The following KAT6A variants were observed in gnomAD, a reference collection of about 807,000 sequenced individuals.
KAT6A encodes the protein histone acetyltransferase KAT6A.
In KAT6A, 9 loss-of-function variants were observed where a neutral mutation model predicts 198.4. The observed-to-expected ratio is 0.05, with a 90% CI of 0.03 to 0.08. The LOEUF (loss-of-function observed/expected upper bound fraction) is 0.08, where lower values mean the gene tolerates loss of function less well. Ranked by LOEUF, KAT6A falls within the 10% of genes least tolerant of loss-of-function variation. The probability of loss-of-function intolerance (pLI) is 1.00; values close to 1 mark genes in which losing one functional copy is unlikely to be tolerated. For missense variants in KAT6A, 2,077 were observed against 2,509.9 expected (o/e 0.83, Z 3.69); for synonymous variants, 890 against 883.0 (o/e 1.01, Z -0.14).
In KAT6A at chr8:41,932,847, C is replaced by T. The variant is rs1271338703; in HGVS notation, c.5373G>A (p.Leu1791=). The change falls in exon 17 of 17, where the codon CTG becomes CTA. Residue 1791 remains leucine, a synonymous_variant. Transcript: ENST00000265713. Reference sequence around the variant, plus strand: ...AGGGATGAGATGGAGCCAGCTGAGCCAGTCCTGTATTGGACAGAGAAACAC... The same window carrying T: ...AGGGATGAGATGGAGCCAGCTGAGCTAGTCCTGTATTGGACAGAGAAACAC... ...ATSVSLSNTG[L]AQLAPSHPLA... The T allele has an allele frequency of 1.2e-6, 2 of 1,614,160 alleles. No individual in the cohort carries two copies. Among genetic ancestry groups the T allele is most frequent in the South Asian group, 1.1e-5 (1 of 91,084 alleles).
chr8:42,038,196 A>C (rs1827471019), intron 2 of KAT6A, among the ~76,000 whole-genome samples: 1 of 152,196 alleles, frequency 6.6e-6, no homozygotes, highest in African/African-American at 2.4e-5. Flanking sequence ...TTACCTTTAA[A>C]TGGACTTTTT....
chr8:41,961,414 T>C (rs1350787801), intron 8 of KAT6A, among the ~76,000 whole-genome samples: 2 of 152,232 alleles, frequency 1.3e-5, no homozygotes, highest in Non-Finnish European at 2.9e-5. Context: ...TACCAGAGCA[T>C]TCCATCAGCA....
At chr8:42,007,370 C>T (rs956871297) in intron 2 of KAT6A, among the ~76,000 whole-genome samples, 5 of 152,178 alleles carry the variant, frequency 3.3e-5, no homozygotes, top group African/African-American at 9.7e-5. Context: ...AAATATTTGA[C>T]ATGACTAGCT....
intron 2 of KAT6A, among the ~76,000 whole-genome samples, chr8:41,990,007 G>C (rs913542502): frequency 6.6e-6 from 1 of 152,020 alleles, no homozygotes; most frequent in African/African-American, 2.4e-5. Flanking sequence ...AAAGAACTGG[G>C]GAAGTAAGTC....
chr8:41,999,769 T>G (rs924639979), intron 2 of KAT6A, among the ~76,000 whole-genome samples: 1 of 152,330 alleles, frequency 6.6e-6, no homozygotes, highest in East Asian at 1.9e-4. Flanking sequence ...CCTACAAGAA[T>G]CACCTCAGCA....
At chr8:41,959,322 T>C (rs1371933857) in intron 8 of KAT6A, among the ~76,000 whole-genome samples, 2 of 152,180 alleles carry the variant, frequency 1.3e-5, no homozygotes, top group Non-Finnish European at 2.9e-5. Flanking sequence ...TTAGGATGGT[T>C]ATTATTTTTA....
intron 3 of KAT6A, among the ~76,000 whole-genome samples, chr8:41,983,850 G>A (rs965824895): frequency 1.3e-5 from 2 of 152,218 alleles, no homozygotes; most frequent in African/African-American, 4.8e-5. Flanking sequence ...CACTGCTACT[G>A]TGGTATGTGT....
At position 41,941,417 on chromosome 8, in the gene KAT6A, T is replaced by C. The variant is rs746456362; in HGVS notation, c.2464A>G (p.Lys822Glu). 1.9e-6 allele frequency: 3 copies of C among 1,602,990 alleles called. No homozygotes were observed. The highest frequency in any genetic ancestry group is 2.5e-6 in the Non-Finnish European group (3 of 1,177,870). The change falls in exon 15 of 17, where the codon AAA becomes GAA. Residue 822 changes from lysine (K) to glutamate (E), a missense_variant. Lys to Glu is a moderately conservative substitution (Grantham distance 56). Around this residue, in one of 13 missense-constraint regions of KAT6A, gnomAD observed 301 missense variants for 272.2 expected, o/e 1.11. Transcript: ENST00000265713. ...TCTACTGAATAAGAATCTTGTTCTT[T>C]GTTCTCATGAGACACAGACTTTCCC... ...SVGKSVSHEN[K>E]EQDSYSVESE... is the part of the protein sequence containing the mutation.
chr8:41,943,641 T>C (rs1822249831), intron 13 of KAT6A, 107 bp downstream of exon 13: 2 of 686,652 alleles, frequency 2.9e-6, no homozygotes, highest in Non-Finnish European at 5.1e-6. Flanking sequence ...TCACCAAGTA[T>C]ATCATTTATA....
chr8:42,007,887 G>T (rs892140360), intron 2 of KAT6A, among the ~76,000 whole-genome samples: 1 of 150,422 alleles, frequency 6.6e-6, no homozygotes, highest in Non-Finnish European at 1.5e-5. Flanking sequence ...GCGTGAACCA[G>T]GGAGGCGGAG....
chr8:42,031,078 T>G (rs1290906204), intron 2 of KAT6A, among the ~76,000 whole-genome samples: 1 of 147,934 alleles, frequency 6.8e-6, no homozygotes, highest in Middle Eastern at 3.2e-3. Context: ...AAAGTGATCA[T>G]TTGTATACAC....
intron 16 of KAT6A, 39 bp downstream of exon 16, chr8:41,937,217 A>C: frequency 6.6e-7 from 1 of 1,518,474 alleles, no homozygotes; most frequent in Non-Finnish European, 9.0e-7. Context: ...ATATATCTGA[A>C]GACAATAAAC....
intron 2 of KAT6A, among the ~76,000 whole-genome samples, chr8:42,019,168 C>A (rs1053151068): frequency 2.0e-5 from 3 of 152,154 alleles, no homozygotes; most frequent in African/African-American, 7.2e-5. Context: ...ACTTTTAGTT[C>A]TACAACTAAA....
chr8:42,048,729 A>G lies in KAT6A; in HGVS notation c.249T>C (p.Pro83=). Residue 83 remains proline (P), a synonymous_variant, in exon 2 of 17, where the codon CCT becomes CCC. Transcript: ENST00000265713. ...DPDNPGRIAL[P]KPRNHGKLDN... is the part of the protein sequence containing the mutation. ...CCAATTTTCCATGGTTCCGAGGCTT[A>G]GGAAGTGCTATTCGCCCAGGATTAT... The G allele has an allele frequency of 6.2e-7, 1 of 1,614,254 alleles. No homozygotes were observed. The highest frequency in any genetic ancestry group is 8.5e-7 in the Non-Finnish European group (1 of 1,180,044).
intron 8 of KAT6A, among the ~76,000 whole-genome samples, chr8:41,968,842 T>C (rs1390824243): frequency 6.6e-6 from 1 of 152,224 alleles, no homozygotes; most frequent in African/African-American, 2.4e-5. Context: ...GTATGTTGTA[T>C]AGCTAATGAT....
In KAT6A at chr8:41,941,115, A is replaced by T. The variant is rs566696446; in HGVS notation, c.2766T>A (p.Ala922=). 2.5e-6 allele frequency: 4 copies of T among 1,614,174 alleles called. No homozygotes were observed. In the South Asian group the frequency reaches 4.4e-5, roughly 18 times the overall value. Reference sequence around the variant, plus strand: ...CGTCCTGGCTTGGCTGCTCCTCAGAAGCCACCAGCTGTTCTTCACTTTCAG... The same window carrying T: ...CGTCCTGGCTTGGCTGCTCCTCAGATGCCACCAGCTGTTCTTCACTTTCAG... ...QYTESEEQLV[A]SEEQPSQDGK... Residue 922 remains alanine (A), a synonymous_variant, in exon 15 of 17, where the codon GCT becomes GCA. Coordinates refer to ENST00000265713, the MANE Select transcript of KAT6A (RefSeq NM_006766.5).
chr8:41,982,119 G>A (rs1824385689), intron 3 of KAT6A, among the ~76,000 whole-genome samples, 165 bp from the exon 4 acceptor site: 1 of 151,958 alleles, frequency 6.6e-6, no homozygotes, highest in Non-Finnish European at 1.5e-5. Context: ...ATCAGGACTT[G>A]GCACCACAAT....
rs545034723 is a variant in KAT6A at position 41,948,608 on chromosome 8, TAACAG to T, written c.1740+609_1740+613del. Among the ~76,000 whole-genome samples the T allele has an allele frequency of 2.5e-3, 379 of 152,268 alleles. 1 individual carries two copies. The highest frequency in any genetic ancestry group is 3.8e-3 in the Non-Finnish European group (258 of 68,010). On this transcript the variant is annotated intron_variant, in intron 10 of 16. Coordinates refer to ENST00000265713, the MANE Select transcript of KAT6A (RefSeq NM_006766.5). ...GCTCCCAAGACACTGTCTGCGATAC[TAACAG>T]AACTCCTCAACAACCCAGGTAGTTT...
chr8:41,983,264 A>T (rs547196226), intron 3 of KAT6A, among the ~76,000 whole-genome samples: 25 of 152,256 alleles, frequency 1.6e-4, no homozygotes, highest in African/African-American at 6.0e-4. Flanking sequence ...TCTCTTTTCT[A>T]TTCCTAAAGG....
Sources: gnomAD v4.1 joint callset for allele counts (sites outside exome capture counted in the v4.1 genomes callset) on GRCh38, gnomAD v4.1.1 for gene constraint, gnomAD v4.1.1 regional missense constraint, MANE v1.5 for transcripts, NCBI Gene and HGNC (gene_info 2026-07-23, HGNC 2026-07-21) for gene names.